OR2C3: variants seen among roughly 807,000 people sequenced by gnomAD.
OR2C3 encodes the protein olfactory receptor 2C3.
For missense variants in OR2C3, 425 were observed against 401.5 expected, an observed-to-expected ratio of 1.06 and a Z score of -0.50; for synonymous variants, 178 against 163.4, an observed-to-expected ratio of 1.09 and a Z score of -0.68.
In OR2C3 at chr1:247,525,509, A is replaced by G. The variant is rs1444009802; in HGVS notation, c.*6040T>C. The G allele has an allele frequency of 6.6e-6, 1 of 152,228 alleles. No homozygotes were observed. Among genetic ancestry groups the G allele is most frequent in the Admixed American group, 6.5e-5 (1 of 15,288 alleles). The allele number at this position is 152,228 out of a possible 1,614,324, so 9.4% of individuals were successfully genotyped here. ...ACTCATGGAGGCATCTACATTTAGCAGTTTATTGTAAAGGATATCGCAAGA... is the reference window on the plus strand; with the variant it reads ...ACTCATGGAGGCATCTACATTTAGCGGTTTATTGTAAAGGATATCGCAAGA... On this transcript the variant is annotated 3_prime_UTR_variant, in exon 3 of 3. Coordinates refer to ENST00000641802, the MANE Select transcript of OR2C3 (RefSeq NM_198074.6).
chr1:247,527,014 A>G lies in OR2C3; in HGVS notation c.*4535T>C. 1 of 456,708 alleles carries G rather than the reference A, an allele frequency of 2.2e-6. No homozygotes were observed. Among genetic ancestry groups the G allele is most frequent in the Non-Finnish European group, 4.4e-6 (1 of 226,964 alleles). The allele number at this position is 456,708 out of a possible 1,614,324, so 28.3% of individuals were successfully genotyped here. A position where few individuals can be genotyped will look rare whatever the true frequency, so the allele number is the denominator to read the frequency against. On this transcript the variant is annotated 3_prime_UTR_variant, in exon 3 of 3. Transcript: ENST00000641802. The surrounding 1 kb of genome is among the most constrained non-coding windows in gnomAD (Gnocchi z 4.6). ...GGATGTGGAGCCAGAAATTGTGTGG[A>G]ATGCCTGGTGTTTCTTTCAGTTCTT...
At position 247,528,431 on chromosome 1, in the gene OR2C3, C is replaced by CA. The variant is rs1202069359; in HGVS notation, c.*3117dup. ...TCACAACATGCATGAACCTAGAAGA[C>CA]ATTGTGTTAAGTGAAATAAGCCAAA... On this transcript the variant is annotated 3_prime_UTR_variant, in exon 3 of 3. Coordinates refer to ENST00000641802, the MANE Select transcript of OR2C3 (RefSeq NM_198074.6). The CA allele has an allele frequency of 6.6e-6, 1 of 152,154 alleles. No homozygotes were observed. The highest frequency in any genetic ancestry group is 1.5e-5 in the Non-Finnish European group (1 of 68,038). 9.4% of individuals were successfully genotyped at this position (152,154 alleles called of 1,614,324 possible).
rs1558241907 is a variant in OR2C3 at position 247,531,717 on chromosome 1, C to T, written c.795G>A (p.Lys265=). The T allele has an allele frequency of 6.2e-7, 1 of 1,614,188 alleles. No individual in the cohort carries two copies. Among genetic ancestry groups the T allele is most frequent in the Admixed American group, 1.7e-5 (1 of 60,020 alleles). The change falls in exon 3 of 3, where the codon AAG becomes AAA. Residue 265 remains lysine, a synonymous_variant. Coordinates refer to ENST00000641802, the MANE Select transcript of OR2C3 (RefSeq NM_198074.6). ...SIIFMYLQPA[K]STSHEQGKFI... Reference sequence around the variant, plus strand: ...ACTTGCCCTGCTCATGGGAGGTGCTCTTGGCTGGCTGGAGATACATGAAGA... The same window carrying T: ...ACTTGCCCTGCTCATGGGAGGTGCTTTTGGCTGGCTGGAGATACATGAAGA...
At position 247,528,761 on chromosome 1, in the gene OR2C3, TGA is replaced by T. The variant is rs1295825679; in HGVS notation, c.*2786_*2787del. ...ATTGGATAACAAGTTATTATTTTGC[TGA>T]GAGATTTGTGAAGAATAAGGCTGGA... is the stretch of plus-strand genomic sequence containing the variant. On this transcript the variant is annotated 3_prime_UTR_variant, in exon 3 of 3. Coordinates refer to ENST00000641802, the MANE Select transcript of OR2C3 (RefSeq NM_198074.6). 1.3e-5 allele frequency: 2 copies of T among 152,240 alleles called. No individual in the cohort carries two copies. Among genetic ancestry groups the T allele is most frequent in the African/African-American group, 2.4e-5 (1 of 41,466 alleles). 9.4% of individuals were successfully genotyped at this position (152,240 alleles called of 1,614,324 possible). A position where few individuals can be genotyped will look rare whatever the true frequency, so the allele number is the denominator to read the frequency against.
chr1:247,532,332 C>T lies in OR2C3; in HGVS notation c.180G>A (p.Met60Ile), dbSNP rs1488438895. 6.2e-7 allele frequency: 1 copy of T among 1,613,996 alleles called. No homozygotes were observed. Among genetic ancestry groups the T allele is most frequent in the Non-Finnish European group, 8.5e-7 (1 of 1,179,982 alleles). ...AGGGGAGGTTGGCAAGAAAGAAGTACATAGGTGTGTGGAGGTGCACATCTG... is the reference window on the plus strand; with the variant it reads ...AGGGGAGGTTGGCAAGAAAGAAGTATATAGGTGTGTGGAGGTGCACATCTG... ...SHTDVHLHTP[M>I]YFFLANLPFL... Residue 60 changes from methionine to isoleucine, a missense_variant, in exon 3 of 3, where the codon ATG becomes ATA. Physicochemically the swap from Met to Ile is conservative, Grantham distance 10 (BLOSUM62 1). Coordinates refer to ENST00000641802, the MANE Select transcript of OR2C3 (RefSeq NM_198074.6).
intron 1 of OR2C3, among the ~76,000 whole-genome samples, chr1:247,534,564 G>C (rs1201668516): frequency 6.6e-6 from 1 of 152,232 alleles, no homozygotes; most frequent in East Asian, 1.9e-4. Flanking sequence ...GACAATTTCA[G>C]TGTGCTTCCG....
At chr1:247,534,111 A>G (rs1457851541) in intron 1 of OR2C3, among the ~76,000 whole-genome samples, 1 of 151,696 alleles carries the variant, frequency 6.6e-6, no homozygotes, top group African/African-American at 2.4e-5. Context: ...AACCCTCACA[A>G]CTCCCTTCTC....
At chr1:247,536,120 A>AAACAAC (rs200920649) in intron 1 of OR2C3, 48 bp downstream of exon 1, 2 of 152,168 alleles carry the variant, frequency 1.3e-5, no homozygotes, top group African/African-American at 2.4e-5. Context: ...TAAATACCAT[A>AAACAAC]AACAACAACA....
In OR2C3 at chr1:247,531,250, C is replaced by A. The variant is rs973048032; in HGVS notation, c.*299G>T. 1.9e-5 allele frequency: 7 copies of A among 366,500 alleles called. No homozygotes were observed. Among genetic ancestry groups the A allele is most frequent in the Non-Finnish European group, 3.5e-5 (7 of 201,676 alleles). The allele number at this position is 366,500 out of a possible 1,614,324, so 22.7% of individuals were successfully genotyped here. A position where few individuals can be genotyped will look rare whatever the true frequency, so the allele number is the denominator to read the frequency against. Reference sequence around the variant, plus strand: ...TCCACGGAGCGTCCTGGAATCCACCCGCTTCGGATACTGAGGAACAGCTGA... The same window carrying A: ...TCCACGGAGCGTCCTGGAATCCACCAGCTTCGGATACTGAGGAACAGCTGA... On this transcript the variant is annotated 3_prime_UTR_variant, in exon 3 of 3. Coordinates refer to ENST00000641802, the MANE Select transcript of OR2C3 (RefSeq NM_198074.6).
rs1243422232 is a variant in OR2C3 at position 247,530,294 on chromosome 1, G to T, written c.*1255C>A. The T allele has an allele frequency of 6.6e-6, 1 of 152,178 alleles. No homozygotes were observed. Among genetic ancestry groups the T allele is most frequent in the East Asian group, 1.9e-4 (1 of 5,204 alleles). 9.4% of individuals were successfully genotyped at this position (152,178 alleles called of 1,614,324 possible). On this transcript the variant is annotated 3_prime_UTR_variant, in exon 3 of 3. Transcript: ENST00000641802. Reference sequence around the variant, plus strand: ...TGATAGAGGTGAACTCTAGTGATAGGTTACTCTATTGATAGAAGTTCTTTA... The same window carrying T: ...TGATAGAGGTGAACTCTAGTGATAGTTTACTCTATTGATAGAAGTTCTTTA...
Position 247,530,804 on chromosome 1 carries a change from C to CTCCGTGGCCTAAA in OR2C3, c.*744_*745insTTTAGGCCACGGA. 1 of 152,660 alleles carries CTCCGTGGCCTAAA rather than the reference C, an allele frequency of 6.6e-6. No homozygotes were observed. The highest frequency in any genetic ancestry group is 1.5e-5 in the Non-Finnish European group (1 of 68,394). The allele number at this position is 152,660 out of a possible 1,614,324, so 9.5% of individuals were successfully genotyped here. On this transcript the variant is annotated 3_prime_UTR_variant, in exon 3 of 3. Coordinates refer to ENST00000641802, the MANE Select transcript of OR2C3 (RefSeq NM_198074.6). ...GTCGCCCAGGACGTGGACCTGCCGG[C>CTCCGTGGCCTAAA]CGCCTCTGGACCGCCTTCCTCGCCC...
At chr1:247,533,940 C>T (rs1667112717) in intron 1 of OR2C3, 62 bp from the exon 2 acceptor site, 1 of 152,166 alleles carries the variant, frequency 6.6e-6, no homozygotes, top group South Asian at 2.1e-4. Flanking sequence ...CTGCTCAACA[C>T]CCTCATTGTC....
Position 247,532,368 on chromosome 1 carries a change from C to A in OR2C3, c.144G>T (p.Leu48=). The change falls in exon 3 of 3, where the codon CTG becomes CTT. Residue 48 remains leucine, a synonymous_variant. Transcript: ENST00000641802. ...VSILGNGIII[L]VSHTDVHLHT... ...GGAGGTGCACATCTGTATGGGAGAC[C>A]AGAATGATGATGCCATTGCCCAAGA... is the stretch of plus-strand genomic sequence containing the variant. The A allele has an allele frequency of 1.2e-6, 2 of 1,614,034 alleles. No individual in the cohort carries two copies. The highest frequency in any genetic ancestry group is 1.1e-5 in the South Asian group (1 of 91,076).
rs1666777423 is a variant in OR2C3 at position 247,528,496 on chromosome 1, A to G, written c.*3053T>C. On this transcript the variant is annotated 3_prime_UTR_variant, in exon 3 of 3. Coordinates refer to ENST00000641802, the MANE Select transcript of OR2C3 (RefSeq NM_198074.6). ...TCCTGCATGATCTCACCCATATTTC[A>G]TGTTTAGCCAACTGTTAAAGAAGGA... 6.6e-6 allele frequency: 1 copy of G among 152,222 alleles called. No individual in the cohort carries two copies. Among genetic ancestry groups the G allele is most frequent in the African/African-American group, 2.4e-5 (1 of 41,454 alleles). The allele number at this position is 152,222 out of a possible 1,614,324, so 9.4% of individuals were successfully genotyped here.
rs1337714242 is a variant in OR2C3, at chr1:247,530,019, T to TTC, written c.*1528_*1529dup. ...AACTCTCAATCTCTCTCACTCTTTTTTCTCTCTCTCCCCCTCAGGGTGTGT... is the reference window on the plus strand; with the variant it reads ...AACTCTCAATCTCTCTCACTCTTTTTTCTCTCTCTCTCCCCCTCAGGGTGTGT... On this transcript the variant is annotated 3_prime_UTR_variant, in exon 3 of 3. Coordinates refer to ENST00000641802, the MANE Select transcript of OR2C3 (RefSeq NM_198074.6). 1 of 151,170 alleles carries TTC rather than the reference T, an allele frequency of 6.6e-6. No individual in the cohort carries two copies. The highest frequency in any genetic ancestry group is 2.4e-5 in the African/African-American group (1 of 41,160). 9.4% of individuals were successfully genotyped at this position (151,170 alleles called of 1,614,324 possible).
Position 247,525,722 on chromosome 1 carries a change from T to C in OR2C3, c.*5827A>G, listed in dbSNP as rs552523149. 2.0e-5 allele frequency: 3 copies of C among 152,308 alleles called. No homozygotes were observed. The highest frequency in any genetic ancestry group is 2.1e-4 in the South Asian group (1 of 4,830). 9.4% of individuals were successfully genotyped at this position (152,308 alleles called of 1,614,324 possible). A position where few individuals can be genotyped will look rare whatever the true frequency, so the allele number is the denominator to read the frequency against. ...GCATGACTGATTAAATCACTGGCCA[T>C]TGGTGTTCTGCTTAACATTCATCCC... is the stretch of plus-strand genomic sequence containing the variant. On this transcript the variant is annotated 3_prime_UTR_variant, in exon 3 of 3. Coordinates refer to ENST00000641802, the MANE Select transcript of OR2C3 (RefSeq NM_198074.6).
chr1:247,525,785 A>G lies in OR2C3; in HGVS notation c.*5764T>C, dbSNP rs1026358781. On this transcript the variant is annotated 3_prime_UTR_variant, in exon 3 of 3. Transcript: ENST00000641802. ...TGGAGGTTGGGGGCTGGGTCTGACT[A>G]TCTTAATTCTCTAATTCTGCCTTGG... 2 of 152,206 alleles carry G rather than the reference A, an allele frequency of 1.3e-5. No individual in the cohort carries two copies. The highest frequency in any genetic ancestry group is 4.8e-5 in the African/African-American group (2 of 41,464). 9.4% of individuals were successfully genotyped at this position (152,206 alleles called of 1,614,324 possible). A position where few individuals can be genotyped will look rare whatever the true frequency, so the allele number is the denominator to read the frequency against.
Position 247,529,823 on chromosome 1 carries a change from CAGTTGAAAGCCTTA to C in OR2C3, c.*1712_*1725del, listed in dbSNP as rs1333304000. The C allele has an allele frequency of 6.8e-6, 1 of 146,964 alleles. No homozygotes were observed. The highest frequency in any genetic ancestry group is 1.5e-5 in the Non-Finnish European group (1 of 67,422). The allele number at this position is 146,964 out of a possible 1,614,324, so 9.1% of individuals were successfully genotyped here. On this transcript the variant is annotated 3_prime_UTR_variant, in exon 3 of 3. Coordinates refer to ENST00000641802, the MANE Select transcript of OR2C3 (RefSeq NM_198074.6). The stretch of plus-strand genomic sequence containing the variant: ...ATAATGTGAGTGGGTCTCATCCCAT[CAGTTGAAAGCCTTA>C]AGAGAAAAGACTGACCTGCTTCCAA...
In OR2C3 at chr1:247,531,687, T is replaced by C. The variant is rs990767156; in HGVS notation, c.825A>G (p.Ile275Met). Residue 275 changes from isoleucine to methionine, a missense_variant, in exon 3 of 3, where the codon ATA becomes ATG. Physicochemically the swap from Ile to Met is conservative, Grantham distance 10. Transcript: ENST00000641802. ...GAGTGACTACGGTGTAGAACAGAGC[T>C]ATGAACTTGCCCTGCTCATGGGAGG... ...KSTSHEQGKFIALFYTVVTPA... is the reference protein window; with the variant it reads ...KSTSHEQGKFMALFYTVVTPA... The C allele has an allele frequency of 6.2e-7, 1 of 1,614,016 alleles. No homozygotes were observed. The highest frequency in any genetic ancestry group is 8.5e-7 in the Non-Finnish European group (1 of 1,180,030).
Sources: gnomAD v4.1 joint callset for allele counts (sites outside exome capture counted in the v4.1 genomes callset) on GRCh38, gnomAD v4.1.1 for gene constraint, Gnocchi (gnomAD v3.1) non-coding constraint, MANE v1.5 for transcripts, NCBI Gene and HGNC (gene_info 2026-07-23, HGNC 2026-07-21) for gene names.